PDE1C: variants seen among roughly 807,000 people sequenced by gnomAD.
The protein encoded by PDE1C is dual specificity calcium/calmodulin-dependent 3',5'-cyclic nucleotide phosphodiesterase 1C.
In PDE1C, 62 loss-of-function variants were observed where a neutral mutation model predicts 93.1. The observed-to-expected ratio is 0.67, with a 90% CI of 0.54 to 0.82. The LOEUF (loss-of-function observed/expected upper bound fraction) is 0.82. PDE1C is among the 40% of genes least tolerant of loss of function. The pLI is 0.00. For synonymous variants in PDE1C, 325 were observed against 310.1 expected (o/e 1.05, Z -0.50); for missense variants, 742 against 884.6 (o/e 0.84, Z 2.04).
At chr7:31,878,138 G>A (rs2128874455) in intron 4 of PDE1C, 102 bp from the exon 5 acceptor site, 2 of 743,448 alleles carry the variant, frequency 2.7e-6, no homozygotes, top group Admixed American at 2.6e-5. Flanking sequence ...GAAGTCAAGT[G>A]GGGTGATCCA....
chr7:32,226,943 C>A (rs1460726156), intron 1 of PDE1C, among the ~76,000 whole-genome samples: 2 of 152,160 alleles, frequency 1.3e-5, no homozygotes, highest in Non-Finnish European at 2.9e-5. Flanking sequence ...CGGTCAGGGG[C>A]CGTTAGGAAC....
chr7:31,964,434 T>TGAGTAGGTAAACAAAGCA, intron 2 of PDE1C, among the ~76,000 whole-genome samples: 1 of 152,276 alleles, frequency 6.6e-6, no homozygotes, highest in Middle Eastern at 3.4e-3. Context: ...TGCTGAGGCT[T>TGAGTAGGTAAACAAAGCA]GAGTAGGTAA....
intron 7 of PDE1C, among the ~76,000 whole-genome samples, chr7:31,863,880 A>T (rs1794965583): frequency 6.6e-6 from 1 of 152,174 alleles, no homozygotes; most frequent in South Asian, 2.1e-4. Flanking sequence ...GCAGGGATTT[A>T]TAGCCACTGT....
intron 7 of PDE1C, among the ~76,000 whole-genome samples, chr7:31,853,601 A>G (rs1413419347): frequency 1.3e-5 from 2 of 152,218 alleles, no homozygotes; most frequent in Admixed American, 6.5e-5. Context: ...CAGGCAGTGA[A>G]GTTCACACGC....
Position 31,850,691 on chromosome 7 carries a change from G to C in PDE1C, c.801C>G (p.Ile267Met). 6.2e-7 allele frequency: 1 copy of C among 1,613,544 alleles called. No homozygotes were observed. The highest frequency in any genetic ancestry group is 8.5e-7 in the Non-Finnish European group (1 of 1,179,580). Residue 267 changes from isoleucine to methionine, a missense_variant, in exon 8 of 18, where the codon ATC (isoleucine) becomes ATG (methionine). Ile to Met is a conservative substitution (Grantham distance 10). Around this residue, in one of 4 missense-constraint regions of PDE1C, gnomAD observed 205 missense variants for 295.3 expected, o/e 0.69. Coordinates refer to ENST00000396191, the MANE Select transcript of PDE1C (RefSeq NM_001191057.4). The part of the protein sequence containing the change: ...EIFAIIFSAA[I>M]HDYEHTGTTN... ...TGGTTCCGGTATGCTCGTAGTCATGGATGGCAGCTGAGAAGATTATAGCAA... is the reference window on the plus strand; with the variant it reads ...TGGTTCCGGTATGCTCGTAGTCATGCATGGCAGCTGAGAAGATTATAGCAA...
chr7:32,341,613 G>T (rs1006575409), intron 1 of PDE1C, among the ~76,000 whole-genome samples: 1 of 152,116 alleles, frequency 6.6e-6, no homozygotes, highest in Non-Finnish European at 1.5e-5. Context: ...TTGGGAACTC[G>T]GGAGTGGGCA....
At chr7:32,017,768 G>A (rs1479622844) in intron 2 of PDE1C, among the ~76,000 whole-genome samples, 1 of 152,038 alleles carries the variant, frequency 6.6e-6, no homozygotes, top group East Asian at 1.9e-4. Flanking sequence ...CATTACCCCT[G>A]AAGGAAATAC....
chr7:32,349,921 G>C (rs35554640), intron 1 of PDE1C, among the ~76,000 whole-genome samples: 25,592 of 152,062 alleles, frequency 0.17, 2,691 homozygotes, highest in South Asian at 0.44. Context: ...AGCCACCACA[G>C]CCAGCCTCAA....
intron 16 of PDE1C, among the ~76,000 whole-genome samples, chr7:31,798,278 A>C (rs938481210): frequency 4.6e-5 from 7 of 151,292 alleles, no homozygotes; most frequent in African/African-American, 1.7e-4. Context: ...AGCATAATCA[A>C]CTCTTCCTTT....
At chr7:32,252,158 G>A (rs952832286) in intron 1 of PDE1C, among the ~76,000 whole-genome samples, 1 of 152,126 alleles carries the variant, frequency 6.6e-6, no homozygotes, top group Non-Finnish European at 1.5e-5. Flanking sequence ...CTTACTTTTA[G>A]TCAACTCCTC....
chr7:32,000,702 C>A (rs1346618784), intron 2 of PDE1C, among the ~76,000 whole-genome samples: 1 of 152,104 alleles, frequency 6.6e-6, no homozygotes, highest in South Asian at 2.1e-4. Flanking sequence ...CTCTTCATAT[C>A]CCCAGCCTTG....
the PDE1C span, among the ~76,000 whole-genome samples, chr7:31,702,213 T>G: frequency 6.6e-6 from 1 of 152,018 alleles, no homozygotes; most frequent in Non-Finnish European, 1.5e-5. Context: ...ATTTATTTTT[T>G]TTTTTGCCTC....
intron 1 of PDE1C, among the ~76,000 whole-genome samples, chr7:32,261,730 G>A (rs77337297): frequency 0.022 from 3,330 of 152,260 alleles, 122 homozygotes; most frequent in African/African-American, 0.075. Flanking sequence ...GTCTATAAAC[G>A]TTATAGTTAG....
At chr7:31,766,998 C>A (rs1353585305) in intron 17 of PDE1C, among the ~76,000 whole-genome samples, 1 of 152,078 alleles carries the variant, frequency 6.6e-6, no homozygotes, top group Non-Finnish European at 1.5e-5. Flanking sequence ...CTGTGGGTGC[C>A]ATCTCTTAAA....
At chr7:32,022,342 G>A (rs1337587550) in intron 2 of PDE1C, among the ~76,000 whole-genome samples, 1 of 152,092 alleles carries the variant, frequency 6.6e-6, no homozygotes, top group Non-Finnish European at 1.5e-5. Flanking sequence ...CAGACACAAT[G>A]TTGGAGGAAA....
intron 1 of PDE1C, among the ~76,000 whole-genome samples, chr7:32,417,918 A>G (rs1425046572): frequency 6.6e-6 from 1 of 152,228 alleles, no homozygotes; most frequent in Non-Finnish European, 1.5e-5. Flanking sequence ...TGCCAATTAT[A>G]TCTAGACTGC....
chr7:31,897,151 G>C (rs1000590790), intron 2 of PDE1C, among the ~76,000 whole-genome samples: 2 of 152,188 alleles, frequency 1.3e-5, no homozygotes, highest in African/African-American at 4.8e-5. Flanking sequence ...CCCAGGATTA[G>C]AGGGTTTTAT....
the PDE1C span, among the ~76,000 whole-genome samples, chr7:31,684,259 C>A: frequency 6.6e-6 from 1 of 152,170 alleles, no homozygotes; most frequent in Non-Finnish European, 1.5e-5. Flanking sequence ...GATTCATACT[C>A]TTCTGTCTTT....
intron 2 of PDE1C, among the ~76,000 whole-genome samples, chr7:32,042,401 C>T (rs1243031212): frequency 6.6e-6 from 1 of 152,188 alleles, no homozygotes; most frequent in Non-Finnish European, 1.5e-5. Context: ...GCCTTTAAAC[C>T]CTGGCCCGAC....
Sources: gnomAD v4.1 joint callset for allele counts (sites outside exome capture counted in the v4.1 genomes callset) on GRCh38, gnomAD v4.1.1 for gene constraint, gnomAD v4.1.1 regional missense constraint, MANE v1.5 for transcripts, NCBI Gene and HGNC (gene_info 2026-07-23, HGNC 2026-07-21) for gene names.